VPS13D: variants seen among roughly 807,000 people sequenced by gnomAD.
VPS13D encodes the protein vacuolar protein sorting 13 homolog D, also known as intermembrane lipid transfer protein VPS13D.
VPS13D carries 187 observed loss-of-function variants against 461.9 expected under a neutral mutation model. The observed-to-expected ratio is 0.40, with a 90% CI of 0.36 to 0.46. VPS13D has a LOEUF of 0.46. Among genes scored for constraint, VPS13D ranks in the 20% least tolerant of loss-of-function variants. The pLI, the probability that VPS13D is intolerant of heterozygous loss-of-function variation, is 0.60. For synonymous variants in VPS13D, 1,951 were observed against 1,986.3 expected (o/e 0.98, Z 0.47); for missense variants, 4,711 against 5,364.9 (o/e 0.88, Z 3.81).
rs561913256 is a variant in VPS13D at position 12,428,191 on chromosome 1, T to C, written c.12333+11364T>C. 4.6e-5 allele frequency among the ~76,000 whole-genome samples: 7 copies of C among 152,348 alleles called. No individual in the cohort carries two copies. The East Asian group carries it at 1.4e-3, about 29-fold the overall frequency. On this transcript the variant is annotated intron_variant, in intron 65 of 69. Coordinates refer to ENST00000620676, the MANE Select transcript of VPS13D (RefSeq NM_015378.4). ...AAGCGGGTGAGAGTCTGGCTTTTCCTTGGCTTTCCTCATAGCCACATGATG... is the reference window on the plus strand; with the variant it reads ...AAGCGGGTGAGAGTCTGGCTTTTCCCTGGCTTTCCTCATAGCCACATGATG...
chr1:12,311,518 C>A lies in VPS13D; in HGVS notation c.6715C>A (p.Leu2239Met), dbSNP rs748204950. The A allele has an allele frequency of 6.2e-7, 1 of 1,614,070 alleles. No individual in the cohort carries two copies. Among genetic ancestry groups the A allele is most frequent in the Non-Finnish European group, 8.5e-7 (1 of 1,180,040 alleles). ...HGNLSSVHCS[L>M]DLYKYKLIRG... Reference sequence around the variant, plus strand: ...CAATCTCTCCTCAGTCCACTGCTCTCTGGATCTGTATAAATACAAGCTGAT... The same window carrying A: ...CAATCTCTCCTCAGTCCACTGCTCTATGGATCTGTATAAATACAAGCTGAT... Residue 2239 changes from leucine (L) to methionine (M), a missense_variant, in exon 28 of 70, where the codon CTG becomes ATG. Physicochemically the swap from Leu to Met is conservative, Grantham distance 15. Transcript: ENST00000620676.
At chr1:12,382,655 T>C (rs1025084463) in intron 57 of VPS13D, among the ~76,000 whole-genome samples, 9 of 152,198 alleles carry the variant, frequency 5.9e-5, no homozygotes, top group Non-Finnish European at 1.2e-4. Context: ...AAACAGCTAG[T>C]TTTGGCTACT....
chr1:12,338,217 C>T lies in VPS13D; in HGVS notation c.8552-14C>T. On this transcript the variant is annotated splice_polypyrimidine_tract_variant and intron_variant, in intron 39 of 69. Coordinates refer to ENST00000620676, the MANE Select transcript of VPS13D (RefSeq NM_015378.4). The stretch of plus-strand genomic sequence containing the variant: ...TTATTCTTAGCCTCTAACTTTGTCT[C>T]TCCTGTCTACCAGGCCTCCCCCTTG... 4 of 1,610,840 alleles carry T rather than the reference C, an allele frequency of 2.5e-6. No individual in the cohort carries two copies. Among genetic ancestry groups the T allele is most frequent in the East Asian group, 2.2e-5 (1 of 44,876 alleles).
chr1:12,441,498 C>G (rs982240401), intron 65 of VPS13D, among the ~76,000 whole-genome samples: 21 of 152,310 alleles, frequency 1.4e-4, no homozygotes, highest in Admixed American at 5.2e-4. Flanking sequence ...GATACCCACA[C>G]TCAGAAAGCC....
At chr1:12,463,811 T>C (rs544012591) in intron 67 of VPS13D, among the ~76,000 whole-genome samples, 1 of 152,302 alleles carries the variant, frequency 6.6e-6, no homozygotes, top group East Asian at 1.9e-4. Context: ...GCCACCTTAC[T>C]TATTAGCTTT....
chr1:12,511,951 T>G lies in VPS13D; in HGVS notation c.*2927T>G, dbSNP rs909338497. Reference sequence around the variant, plus strand: ...TGGTTCTCTATTATGTAAACACTATTACAGTCACCAGTGTGTGAAGACTCT... The same window carrying G: ...TGGTTCTCTATTATGTAAACACTATGACAGTCACCAGTGTGTGAAGACTCT... On this transcript the variant is annotated 3_prime_UTR_variant, in exon 70 of 70. Transcript: ENST00000620676. This position sits in a 1 kb window ranked among gnomAD's most constrained non-coding sequence, Gnocchi z 4.5. 3.0e-4 allele frequency: 46 copies of G among 152,248 alleles called. 1 individual carries two copies. The highest frequency in any genetic ancestry group is 1.1e-3 in the African/African-American group (44 of 41,464). The allele number at this position is 152,248 out of a possible 1,614,324, so 9.4% of individuals were successfully genotyped here. A position where few individuals can be genotyped will look rare whatever the true frequency, so the allele number is the denominator to read the frequency against.
chr1:12,321,687 A>G (rs1643041631), intron 32 of VPS13D, 122 bp from the exon 33 acceptor site: 40 of 1,019,588 alleles, frequency 3.9e-5, no homozygotes, highest in Non-Finnish European at 5.2e-5. Context: ...TTATTTCAGC[A>G]GTTGTTATGG....
intron 46 of VPS13D, among the ~76,000 whole-genome samples, chr1:12,353,255 C>T (rs979711431): frequency 4.0e-5 from 6 of 151,872 alleles, no homozygotes; most frequent in South Asian, 2.1e-4. Context: ...AGACATAGGC[C>T]GGGTGCGGTG....
intron 55 of VPS13D, 113 bp downstream of exon 55, chr1:12,373,971 G>A (rs933015688): frequency 8.4e-6 from 6 of 715,726 alleles, no homozygotes; most frequent in Non-Finnish European, 1.3e-5. Flanking sequence ...GGACTTGTGT[G>A]GAACCCAGGC....
In VPS13D at chr1:12,412,616, A is replaced by T. The variant is rs555298517; in HGVS notation, c.12031-2471A>T. On this transcript the variant is annotated intron_variant, in intron 63 of 69. Transcript: ENST00000620676. ...TATCAGAAAAAAATGAATCTTGGCC[A>T]CTCCCTCCTACCGTACATAAAAATA... 5.3e-5 allele frequency among the ~76,000 whole-genome samples: 8 copies of T among 152,224 alleles called. No homozygotes were observed. In the South Asian group the frequency reaches 1.7e-3, roughly 32 times the overall value.
At chr1:12,233,037 A>AC (rs1324601352) in intron 1 of VPS13D, among the ~76,000 whole-genome samples, 1 of 142,742 alleles carries the variant, frequency 7.0e-6, no homozygotes, top group African/African-American at 2.6e-5. Flanking sequence ...ATGGAGTCTC[A>AC]CTCTGTCACC....
Position 12,506,927 on chromosome 1 carries a change from G to C in VPS13D, c.12869G>C (p.Gly4290Ala). The C allele has an allele frequency of 1.2e-6, 2 of 1,614,276 alleles. No individual in the cohort carries two copies. Among genetic ancestry groups the C allele is most frequent in the Non-Finnish European group, 1.7e-6 (2 of 1,180,054 alleles). ...AAAGCTGTTTACTTCCTGAAAAGTGGAGACTACGTGGATCGAGAAGCCATT... is the reference window on the plus strand; with the variant it reads ...AAAGCTGTTTACTTCCTGAAAAGTGCAGACTACGTGGATCGAGAAGCCATT... ...SSKAVYFLKS[G>A]DYVDREAIFL... The change falls in exon 69 of 70, where the codon GGA (glycine) becomes GCA (alanine). Residue 4290 changes from glycine to alanine, a missense_variant. Physicochemically the swap from Gly to Ala is moderately conservative, Grantham distance 60. Transcript: ENST00000620676.
intron 65 of VPS13D, among the ~76,000 whole-genome samples, chr1:12,425,685 T>TAGGAAGGA (rs765812762): frequency 3.0e-5 from 4 of 132,308 alleles, no homozygotes; most frequent in African/African-American, 1.2e-4. Context: ...ATATACCCAA[T>TAGGAAGGA]AGGAAGGAAG....
intron 5 of VPS13D, among the ~76,000 whole-genome samples, chr1:12,247,584 G>C (rs190607061): frequency 1.2e-3 from 187 of 152,094 alleles, no homozygotes; most frequent in African/African-American, 4.4e-3. Context: ...TGATGATCTT[G>C]CTATGATTTC....
At chr1:12,405,750 G>C (rs778630850) in intron 63 of VPS13D, among the ~76,000 whole-genome samples, 1 of 152,230 alleles carries the variant, frequency 6.6e-6, no homozygotes, top group Non-Finnish European at 1.5e-5. Context: ...GAATGGGTTT[G>C]TTTGATAAAG....
At chr1:12,294,716 G>T (rs776693979) in intron 24 of VPS13D, among the ~76,000 whole-genome samples, 5 of 152,112 alleles carry the variant, frequency 3.3e-5, no homozygotes, top group Admixed American at 6.5e-5. Flanking sequence ...GGAGGCTAAG[G>T]CAGGAGAATC....
At chr1:12,448,528 C>A (rs369409831) in intron 65 of VPS13D, among the ~76,000 whole-genome samples, 53 of 152,298 alleles carry the variant, frequency 3.5e-4, no homozygotes, top group East Asian at 3.1e-3. Context: ...TACCCCCCTT[C>A]TGCCAAAAAG....
intron 20 of VPS13D, among the ~76,000 whole-genome samples, chr1:12,280,857 T>G (rs1290862074): frequency 6.6e-6 from 1 of 152,146 alleles, no homozygotes; most frequent in Non-Finnish European, 1.5e-5. Flanking sequence ...AAAAACGTTA[T>G]TGTAGATAAT....
At chr1:12,417,017 C>T (rs1190764730) in intron 65 of VPS13D, among the ~76,000 whole-genome samples, 190 bp downstream of exon 65, 1 of 152,126 alleles carries the variant, frequency 6.6e-6, no homozygotes, top group Non-Finnish European at 1.5e-5. Context: ...TCTGAAATAC[C>T]TCTTCCTCCT....
Sources: allele counts gnomAD v4.1 joint callset (sites outside exome capture counted in the v4.1 genomes callset), GRCh38; gene constraint gnomAD v4.1.1; non-coding constraint Gnocchi (gnomAD v3.1); transcripts MANE v1.5; gene names NCBI Gene and HGNC (gene_info 2026-07-23, HGNC 2026-07-21).